PDE6A: variants seen among roughly 807,000 people sequenced by gnomAD.
PDE6A encodes rod cGMP-specific 3',5'-cyclic phosphodiesterase subunit alpha.
Under a neutral mutation model 106.3 loss-of-function variants are expected in PDE6A, and 84 were observed. The ratio of observed to expected loss-of-function variants is 0.79; its 90% confidence interval spans 0.66 to 0.95. PDE6A has a LOEUF of 0.95. Among genes scored for constraint, PDE6A ranks in the 40% least tolerant of loss-of-function variants. PDE6A has a pLI of 0.00. For missense variants in PDE6A, 1,052 were observed against 1,084.9 expected, an observed-to-expected ratio of 0.97 and a Z score of 0.43; for synonymous variants, 394 against 386.6, an observed-to-expected ratio of 1.02 and a Z score of -0.23.
chr5:149,865,211 A>G (rs950258030), intron 20 of PDE6A, among the ~76,000 whole-genome samples: 11 of 147,220 alleles, frequency 7.5e-5, no homozygotes, highest in African/African-American at 2.8e-4. Context: ...CTGCACTCCA[A>G]CCTGGGTGAC....
At chr5:149,865,020 G>A (rs756577379) in intron 20 of PDE6A, among the ~76,000 whole-genome samples, 3 of 152,066 alleles carry the variant, frequency 2.0e-5, no homozygotes, top group African/African-American at 4.8e-5. Flanking sequence ...CGGGTGGATC[G>A]TTTGAGGCCA....
rs1231579832 is a variant in PDE6A at position 149,914,980 on chromosome 5, A to G, written c.961T>C (p.Tyr321His). The change falls in exon 6 of 22, where the codon TAC becomes CAC. Residue 321 changes from tyrosine (Y) to histidine (H), a missense_variant. By Grantham distance (83) the Tyr-to-His change is moderately conservative. This residue lies in a region of PDE6A where 913 missense variants were observed against 915.2 expected (regional missense o/e 1.00). Coordinates refer to ENST00000255266, the MANE Select transcript of PDE6A (RefSeq NM_000440.3). ...REINFYKVID[Y>H]ILHGKEDIKV... ...ATGTCCTCTTTGCCATGCAGGATGT[A>G]GTCAATGACCTTGTAAAAGTTAATT... 3 of 1,604,766 alleles carry G rather than the reference A, an allele frequency of 1.9e-6. No homozygotes were observed. Among genetic ancestry groups the G allele is most frequent in the Non-Finnish European group, 2.6e-6 (3 of 1,172,880 alleles).
chr5:149,888,876 G>A (rs1581170450), intron 13 of PDE6A, among the ~76,000 whole-genome samples: 1 of 151,996 alleles, frequency 6.6e-6, no homozygotes, highest in East Asian at 1.9e-4. Flanking sequence ...GAGGTCAGGA[G>A]ATCGAGACCA....
intron 13 of PDE6A, among the ~76,000 whole-genome samples, chr5:149,892,500 T>TC (rs546668643): frequency 1.7e-3 from 261 of 151,232 alleles, no homozygotes; most frequent in African/African-American, 6.0e-3. Flanking sequence ...TTCCTTTTTT[T>TC]TTTTTTTTTG....
chr5:149,866,535 C>T (rs1581147791), intron 19 of PDE6A: 1 of 416,350 alleles, frequency 2.4e-6, no homozygotes, highest in South Asian at 2.4e-5. Context: ...GATGGCAGGG[C>T]CTGCTACAGA....
At position 149,944,778 on chromosome 5, in the gene PDE6A, G is replaced by A; in HGVS notation, c.-105C>T. The A allele has an allele frequency of 1.2e-6, 1 of 856,176 alleles. No individual in the cohort carries two copies. The highest frequency in any genetic ancestry group is 1.9e-6 in the Non-Finnish European group (1 of 525,876). 53.0% of individuals were successfully genotyped at this position (856,176 alleles called of 1,614,324 possible). A position where few individuals can be genotyped will look rare whatever the true frequency, so the allele number is the denominator to read the frequency against. ...TCCAGTCTGGACTTCTCTGGGTCTT[G>A]TCTGCAAAACATACTGAGATGGCCT... On this transcript the variant is annotated 5_prime_UTR_variant, in exon 1 of 22. The change creates a premature stop within an existing upstream ORF in the 5' untranslated region. Coordinates refer to ENST00000255266, the MANE Select transcript of PDE6A (RefSeq NM_000440.3).
chr5:149,877,633 C>G (rs1760789521), intron 17 of PDE6A, among the ~76,000 whole-genome samples: 1 of 152,176 alleles, frequency 6.6e-6, no homozygotes, highest in African/African-American at 2.4e-5. Context: ...TGGTCTCGAA[C>G]TCCTGACCTC....
chr5:149,869,186 T>C (rs377210201), intron 17 of PDE6A, among the ~76,000 whole-genome samples: 91 of 152,116 alleles, frequency 6.0e-4, no homozygotes, highest in African/African-American at 2.2e-3. Context: ...AAAAATTAGC[T>C]GGGCATGATG....
intron 1 of PDE6A, among the ~76,000 whole-genome samples, chr5:149,938,079 T>A (rs1278973860): frequency 6.6e-6 from 1 of 152,116 alleles, no homozygotes; most frequent in Non-Finnish European, 1.5e-5. Flanking sequence ...CATGGTATAG[T>A]GGAATGTCAT....
At chr5:149,914,259 C>T (rs1753481436) in intron 6 of PDE6A, among the ~76,000 whole-genome samples, 1 of 152,160 alleles carries the variant, frequency 6.6e-6, no homozygotes, top group Admixed American at 6.5e-5. Flanking sequence ...ACTGCTCACC[C>T]TCTGAGTCTC....
intron 2 of PDE6A, 37 bp downstream of exon 2, chr5:149,934,529 C>T (rs766623335): frequency 6.2e-7 from 1 of 1,608,780 alleles, no homozygotes; most frequent in Non-Finnish European, 8.5e-7. Context: ...GGAGAATGTG[C>T]TAGCATGGCT....
Position 149,886,279 on chromosome 5 carries a change from G to T in PDE6A, c.1824C>A (p.Asn608Lys), listed in dbSNP as rs773601046. ...GGCTGACTCACTTCATCTGGTAGAG[G>T]TTATTGGTGCCTCTGTGGTCAATGT... ...CHDIDHRGTNNLYQMKSQNPL... is the reference protein window; with the variant it reads ...CHDIDHRGTNKLYQMKSQNPL... The change falls in exon 14 of 22, where the codon AAC becomes AAA. Residue 608 changes from asparagine (N) to lysine (K), a missense_variant. Physicochemically the swap from Asn to Lys is moderately conservative, Grantham distance 94. Coordinates refer to ENST00000255266, the MANE Select transcript of PDE6A (RefSeq NM_000440.3). 3 of 1,612,798 alleles carry T rather than the reference G, an allele frequency of 1.9e-6. No homozygotes were observed. The highest frequency in any genetic ancestry group is 2.5e-6 in the Non-Finnish European group (3 of 1,178,740).
At chr5:149,923,091 G>A (rs986173601) in intron 4 of PDE6A, among the ~76,000 whole-genome samples, 1 of 152,218 alleles carries the variant, frequency 6.6e-6, no homozygotes, top group Non-Finnish European at 1.5e-5. Context: ...AGCTATGAAA[G>A]CTCACTGGCC....
At chr5:149,889,951 A>G (rs966616394) in intron 13 of PDE6A, among the ~76,000 whole-genome samples, 1 of 144,926 alleles carries the variant, frequency 6.9e-6, no homozygotes, top group Non-Finnish European at 1.5e-5. Flanking sequence ...TCCCAAAGTC[A>G]TATTCATTTT....
chr5:149,865,500 C>T (rs1258088783), intron 20 of PDE6A, among the ~76,000 whole-genome samples: 1 of 152,064 alleles, frequency 6.6e-6, no homozygotes, highest in African/African-American at 2.4e-5. Flanking sequence ...GCCACTGTGT[C>T]CCGTGGGTCA....
intron 7 of PDE6A, among the ~76,000 whole-genome samples, chr5:149,904,725 C>T (rs961021115): frequency 3.3e-5 from 5 of 152,162 alleles, no homozygotes; most frequent in Non-Finnish European, 5.9e-5. Context: ...TGCCTGCTCA[C>T]TGCACCAGCC....
Position 149,860,967 on chromosome 5 carries a change from G to T in PDE6A, c.2511C>A (p.Ala837=). 1 of 1,613,926 alleles carries T rather than the reference G, an allele frequency of 6.2e-7. No individual in the cohort carries two copies. Among genetic ancestry groups the T allele is most frequent in the Non-Finnish European group, 8.5e-7 (1 of 1,179,914 alleles). ...GGTTTCCCCCCGGCTGATTTCCTGC[G>T]GCTGCTGCAATGAAACAGGAAAAAG... ...KQKQQSAKSA[A]AGNQPGGNPS... The change falls in exon 22 of 22, where the codon GCC becomes GCA. Residue 837 remains alanine (A), a synonymous_variant. Coordinates refer to ENST00000255266, the MANE Select transcript of PDE6A (RefSeq NM_000440.3).
intron 17 of PDE6A, among the ~76,000 whole-genome samples, chr5:149,869,383 A>C (rs1166798199): frequency 6.6e-6 from 1 of 152,128 alleles, no homozygotes; most frequent in African/African-American, 2.4e-5. Context: ...AAGTAGGTAG[A>C]AAGAGTTCAA....
chr5:149,910,918 C>G (rs1250727995), intron 6 of PDE6A, among the ~76,000 whole-genome samples: 1 of 114,140 alleles, frequency 8.8e-6, no homozygotes, highest in Non-Finnish European at 1.6e-5. Flanking sequence ...CTCACTCTGT[C>G]CCCTAGGCTG....
Sources: gnomAD v4.1 joint callset for allele counts (sites outside exome capture counted in the v4.1 genomes callset) on GRCh38, gnomAD v4.1.1 for gene constraint, gnomAD v4.1.1 regional missense constraint, MANE v1.5 for transcripts, NCBI Gene and HGNC (gene_info 2026-07-23, HGNC 2026-07-21) for gene names.